ZFP64: variants seen among roughly 807,000 people sequenced by gnomAD.
ZFP64 encodes the protein ZFP64 zinc finger protein, also known as zinc finger protein 64.
ZFP64 carries 14 observed loss-of-function variants against 51.6 expected under a neutral mutation model. That is an observed-to-expected ratio of 0.27 (90% CI 0.18 to 0.42). The LOEUF is 0.42. Ranked by LOEUF, ZFP64 falls within the 10% of genes least tolerant of loss-of-function variation. ZFP64 has a pLI of 1.00. For synonymous variants in ZFP64, 375 were observed against 361.4 expected, an observed-to-expected ratio of 1.04 and a Z score of -0.43; for missense variants, 754 against 906.8, an observed-to-expected ratio of 0.83 and a Z score of 2.16.
At chr20:52,144,676 T>C (rs761606449) in intron 5 of ZFP64, among the ~76,000 whole-genome samples, 1 of 150,294 alleles carries the variant, frequency 6.7e-6, no homozygotes, top group Non-Finnish European at 1.5e-5. Flanking sequence ...ACTTTTACTT[T>C]AATACAAATG....
At chr20:52,119,264 C>T (rs1345634979) in intron 5 of ZFP64, among the ~76,000 whole-genome samples, 1 of 151,732 alleles carries the variant, frequency 6.6e-6, no homozygotes, top group Non-Finnish European at 1.5e-5. Flanking sequence ...CGCCTGTAAT[C>T]CCAGCACTTT....
chr20:52,130,075 G>C (rs1042591470), intron 5 of ZFP64, among the ~76,000 whole-genome samples: 1 of 152,020 alleles, frequency 6.6e-6, no homozygotes, highest in Non-Finnish European at 1.5e-5. Context: ...CCTCATTCCA[G>C]TCTTTGTTCC....
exon 9 of ZFP64, chr20:52,084,224 G>A: frequency 3.6e-6 from 1 of 280,232 alleles, no homozygotes; most frequent in Non-Finnish European, 6.7e-6. Flanking sequence ...AATTCCATCA[G>A]AGATGGATCA....
chr20:52,109,140 T>C (rs915795664), intron 5 of ZFP64, among the ~76,000 whole-genome samples: 1 of 151,672 alleles, frequency 6.6e-6, no homozygotes, highest in African/African-American at 2.4e-5. Context: ...AGGGAAGCTC[T>C]TTTTTTTAGA....
chr20:52,160,547 G>C lies in ZFP64; in HGVS notation c.512-173C>G, dbSNP rs149402681. 2.0e-4 allele frequency among the ~76,000 whole-genome samples: 31 copies of C among 152,202 alleles called. No individual in the cohort carries two copies. The East Asian group carries it at 5.2e-3, about 26-fold the overall frequency. ...GAGCTAACATCTTGGGAGAGGGGAA[G>C]TTTCTTCCATGTTCCTTATTGGTAT... On this transcript the variant is annotated intron_variant, in intron 4 of 5. Coordinates refer to ENST00000216923, the MANE Select transcript of ZFP64 (RefSeq NM_018197.3). The surrounding 1 kb of genome is among the most constrained non-coding windows in gnomAD (Gnocchi z 4.2).
rs777373723 is a variant in ZFP64, at chr20:52,084,554, GA to G, written c.*2del. 3 of 1,610,512 alleles carry G rather than the reference GA, an allele frequency of 1.9e-6. No homozygotes were observed. In the South Asian group the frequency reaches 3.3e-5, roughly 18 times the overall value. ...CGACAGCTGACCACCCTCTTCGGCT[GA>G]GCTAGAGGTCTTGGCTGGGCTCTAG... On this transcript the variant is annotated 3_prime_UTR_variant, in exon 9 of 9. Transcript: ENST00000361387.
At chr20:52,156,243 C>T (rs6013401) in intron 5 of ZFP64, among the ~76,000 whole-genome samples, 5,234 of 152,236 alleles carry the variant, frequency 0.034, 287 homozygotes, top group African/African-American at 0.12. Context: ...TCCTTTAGCA[C>T]GGCCTCTGCC....
intron 5 of ZFP64, among the ~76,000 whole-genome samples, chr20:52,120,037 A>T (rs6021711): frequency 6.6e-6 from 1 of 151,958 alleles, no homozygotes; most frequent in South Asian, 2.1e-4. Flanking sequence ...AGGTGTTTGG[A>T]TCATGGAGCT....
At chr20:52,125,887 T>C (rs1979423754) in intron 5 of ZFP64, among the ~76,000 whole-genome samples, 1 of 152,090 alleles carries the variant, frequency 6.6e-6, no homozygotes, top group Admixed American at 6.6e-5. Context: ...CATGGTTTTT[T>C]GTTTTTTTTT....
At chr20:52,135,998 CTG>C (rs1245794072) in intron 5 of ZFP64, among the ~76,000 whole-genome samples, 1 of 143,986 alleles carries the variant, frequency 6.9e-6, no homozygotes, top group Non-Finnish European at 1.5e-5. Flanking sequence ...ACTCAGGAGA[CTG>C]AGGCAGGAGA....
chr20:52,114,225 G>A (rs1013106057), intron 5 of ZFP64, among the ~76,000 whole-genome samples: 4 of 152,208 alleles, frequency 2.6e-5, no homozygotes, highest in Non-Finnish European at 5.9e-5. Context: ...CACCTGTCCC[G>A]ATAGAAAAGA....
At chr20:52,090,068 G>A (rs982636809) in intron 7 of ZFP64, among the ~76,000 whole-genome samples, 1 of 152,154 alleles carries the variant, frequency 6.6e-6, no homozygotes, top group African/African-American at 2.4e-5. Context: ...CAAAAGGTAA[G>A]ACACGAAAGC....
intron 1 of ZFP64, among the ~76,000 whole-genome samples, chr20:52,188,424 C>T (rs1198306866): frequency 6.8e-6 from 1 of 147,006 alleles, no homozygotes; most frequent in African/African-American, 2.5e-5. Context: ...ACGCCATTCT[C>T]CTGCCCCAGC....
chr20:52,092,116 G>T (rs1306743678), intron 7 of ZFP64, among the ~76,000 whole-genome samples: 2 of 152,176 alleles, frequency 1.3e-5, no homozygotes, highest in Non-Finnish European at 2.9e-5. Context: ...CCAAAAGAAA[G>T]AATTGAGGCT....
At chr20:52,088,741 T>G (rs2078890521) in intron 7 of ZFP64, 3 of 1,471,492 alleles carry the variant, frequency 2.0e-6, no homozygotes, top group African/African-American at 1.4e-5. Context: ...GTGTGCCGCC[T>G]CCTCCTGTCC....
At position 52,151,483 on chromosome 20, in the gene ZFP64, A is replaced by G; in HGVS notation, c.*663T>C. The stretch of plus-strand genomic sequence containing the variant: ...GGCAAAAGAGAGGCTGGGAAGTACC[A>G]TTTACTACACAAATGTAATAAGATG... On this transcript the variant is annotated 3_prime_UTR_variant, in exon 6 of 6. Transcript: ENST00000216923. The G allele has an allele frequency of 1.0e-6, 1 of 985,476 alleles. No homozygotes were observed. Among genetic ancestry groups the G allele is most frequent in the Non-Finnish European group, 1.2e-6 (1 of 829,998 alleles). 61.0% of individuals were successfully genotyped at this position (985,476 alleles called of 1,614,324 possible).
At chr20:52,138,689 T>C (rs1980105417) in intron 5 of ZFP64, among the ~76,000 whole-genome samples, 1 of 152,082 alleles carries the variant, frequency 6.6e-6, no homozygotes, top group African/African-American at 2.4e-5. Flanking sequence ...AAGGAAAGCT[T>C]AGTTTTAAAA....
chr20:52,158,979 A>T (rs1981553261), intron 5 of ZFP64, among the ~76,000 whole-genome samples: 1 of 152,194 alleles, frequency 6.6e-6, no homozygotes, highest in Non-Finnish European at 1.5e-5. Flanking sequence ...TCCCAGGAGG[A>T]AGATGAGAGA....
At position 52,186,894 on chromosome 20, in the gene ZFP64, A is replaced by G; in HGVS notation, c.224T>C (p.Val75Ala). 6.2e-7 allele frequency: 1 copy of G among 1,613,900 alleles called. No homozygotes were observed. Among genetic ancestry groups the G allele is most frequent in the African/African-American group, 1.3e-5 (1 of 75,030 alleles). Reference sequence around the variant, plus strand: ...GGTGGTCTGAGTCTGGGTGGCAGGCACTGTTTCCTCCGATACAAACTGGAC... The same window carrying G: ...GGTGGTCTGAGTCTGGGTGGCAGGCGCTGTTTCCTCCGATACAAACTGGAC... ...STVQFVSEET[V>A]PATQTQTTTR... The change falls in exon 2 of 6, where the codon GTG (valine) becomes GCG (alanine). Residue 75 changes from valine to alanine, a missense_variant. Val to Ala is a moderately conservative substitution (Grantham distance 64, BLOSUM62 0). Around this residue, in one of 3 missense-constraint regions of ZFP64, gnomAD observed 95 missense variants for 97.7 expected, o/e 0.97. Coordinates refer to ENST00000216923, the MANE Select transcript of ZFP64 (RefSeq NM_018197.3).
Sources: gnomAD v4.1 joint callset for allele counts (sites outside exome capture counted in the v4.1 genomes callset) on GRCh38, gnomAD v4.1.1 for gene constraint, gnomAD v4.1.1 regional missense constraint, Gnocchi (gnomAD v3.1) non-coding constraint, MANE v1.5 for transcripts, NCBI Gene and HGNC (gene_info 2026-07-23, HGNC 2026-07-21) for gene names.